Variants in AKAP7 observed in about 807,000 individuals in gnomAD.
AKAP7 encodes the protein A kinase (PRKA) anchor protein 7.
Under a neutral mutation model 39.5 loss-of-function variants are expected in AKAP7, and 39 were observed. That is an observed-to-expected ratio of 0.99 (90% confidence interval 0.76 to 1.29). The LOEUF is 1.29. AKAP7 is among the 50% of genes most tolerant of loss of function. The pLI, the probability that AKAP7 is intolerant of heterozygous loss-of-function variation, is 0.00. For missense variants in AKAP7, 414 were observed against 407.7 expected, an observed-to-expected ratio of 1.02 and a Z score of -0.13; for synonymous variants, 140 against 139.1, an observed-to-expected ratio of 1.01 and a Z score of -0.05.
intron 7 of AKAP7, among the ~76,000 whole-genome samples, chr6:131,257,469 T>G (rs1334428310): frequency 6.6e-6 from 1 of 151,952 alleles, no homozygotes. Context: ...AGACCTTGAA[T>G]TTTTGAGTAG....
intron 7 of AKAP7, among the ~76,000 whole-genome samples, chr6:131,267,503 T>C (rs1208190484): frequency 6.6e-6 from 1 of 152,218 alleles, no homozygotes; most frequent in Non-Finnish European, 1.5e-5. Flanking sequence ...TAGTAGGTGC[T>C]TGAGAAATAG....
chr6:131,133,605 T>C (rs1410473156), upstream of AKAP7, among the ~76,000 whole-genome samples: 1 of 152,226 alleles, frequency 6.6e-6, no homozygotes, highest in Non-Finnish European at 1.5e-5. Context: ...TCTGCTTAGG[T>C]AAGAGAATGA....
intron 5 of AKAP7, among the ~76,000 whole-genome samples, chr6:131,197,431 C>T (rs1312196530): frequency 2.6e-5 from 4 of 152,122 alleles, no homozygotes; most frequent in Non-Finnish European, 5.9e-5. Context: ...TATTCTGCAA[C>T]ACCATTATTT....
intron 2 of AKAP7, among the ~76,000 whole-genome samples, chr6:131,152,292 G>T (rs893415687): frequency 2.0e-5 from 3 of 152,150 alleles, no homozygotes; most frequent in Non-Finnish European, 4.4e-5. Flanking sequence ...TTGTTCTATG[G>T]TCATTGATTT....
At chr6:131,247,086 C>G (rs1217361277) in intron 7 of AKAP7, among the ~76,000 whole-genome samples, 2 of 151,844 alleles carry the variant, frequency 1.3e-5, no homozygotes, top group Non-Finnish European at 1.5e-5. Context: ...TGAGTAAACT[C>G]AAGTGCCTGG....
In AKAP7 at chr6:131,282,496, A is replaced by T; in HGVS notation, c.*770A>T. Reference sequence around the variant, plus strand: ...AAGTGAAACAGATAAAGGAACTTTTATTAAAGCCTGAGACTCAGGCCAGAA... The same window carrying T: ...AAGTGAAACAGATAAAGGAACTTTTTTTAAAGCCTGAGACTCAGGCCAGAA... On this transcript the variant is annotated 3_prime_UTR_variant, in exon 8 of 8. Coordinates refer to ENST00000431975, the MANE Select transcript of AKAP7 (RefSeq NM_016377.4). The T allele has an allele frequency of 1.3e-6, 2 of 1,535,908 alleles. No individual in the cohort carries two copies. Among genetic ancestry groups the T allele is most frequent in the Non-Finnish European group, 8.7e-7 (1 of 1,146,776 alleles).
At chr6:131,253,185 A>G (rs1333983342) in intron 7 of AKAP7, 4 of 1,305,786 alleles carry the variant, frequency 3.1e-6, no homozygotes, top group Non-Finnish European at 4.3e-6. Context: ...GTAGATAGAA[A>G]TAATTCTAAT....
At chr6:131,261,848 C>T (rs1279619310) in intron 7 of AKAP7, among the ~76,000 whole-genome samples, 1 of 152,026 alleles carries the variant, frequency 6.6e-6, no homozygotes, top group Non-Finnish European at 1.5e-5. Flanking sequence ...GAAACTACAC[C>T]AGTTGCTTTA....
intron 7 of AKAP7, among the ~76,000 whole-genome samples, chr6:131,248,794 T>A (rs1295430879): frequency 1.3e-5 from 2 of 152,250 alleles, no homozygotes; most frequent in African/African-American, 4.8e-5. Flanking sequence ...TTATTGCTTT[T>A]AGGACTATTT....
intron 7 of AKAP7, among the ~76,000 whole-genome samples, chr6:131,244,777 T>A (rs74400379): frequency 0.11 from 16,591 of 152,234 alleles, 1,206 homozygotes; most frequent in Non-Finnish European, 0.15. Flanking sequence ...TTCTTCCCCT[T>A]TCCTAAATGC....
chr6:131,258,321 G>A (rs542816961), intron 7 of AKAP7, among the ~76,000 whole-genome samples: 10 of 152,270 alleles, frequency 6.6e-5, no homozygotes, highest in South Asian at 6.2e-4. Flanking sequence ...AGACCTCAAA[G>A]TTTATTATGC....
At position 131,241,621 on chromosome 6, in the gene AKAP7, G is replaced by GTATACGTATATA. The variant is rs1221493841; in HGVS notation, c.850+21814_850+21815insATACGTATATAT. ...TGTGTGTGTGTGTGTGTGTGTGTGT[G>GTATACGTATATA]TGTGTGTATATATATATGACAGTTA... On this transcript the variant is annotated intron_variant, in intron 7 of 7. Transcript: ENST00000431975. Among the ~76,000 whole-genome samples the GTATACGTATATA allele has an allele frequency of 5.8e-3, 414 of 71,560 alleles. 12 individuals are homozygous for GTATACGTATATA. The highest frequency in any genetic ancestry group is 0.021 in the African/African-American group (395 of 19,026). The allele number at this position is 71,560 out of a possible 152,430, so 46.9% of individuals were successfully genotyped here.
chr6:131,282,230 T>TGTA lies in AKAP7; in HGVS notation c.*505_*506insTAG. The TGTA allele has an allele frequency of 7.5e-7, 1 of 1,337,348 alleles. No homozygotes were observed. The highest frequency in any genetic ancestry group is 2.8e-5 in the East Asian group (1 of 35,924). The allele number at this position is 1,337,348 out of a possible 1,614,324, so 82.8% of individuals were successfully genotyped here. A position where few individuals can be genotyped will look rare whatever the true frequency, so the allele number is the denominator to read the frequency against. On this transcript the variant is annotated 3_prime_UTR_variant, in exon 8 of 8. Transcript: ENST00000431975. ...CTAAGTGTGCTGTTGCTATGCAGTG[T>TGTA]GATCTTTATTTATAGTAAATTATGT...
intron 7 of AKAP7, among the ~76,000 whole-genome samples, chr6:131,246,400 G>A (rs1461107831): frequency 6.6e-6 from 1 of 152,182 alleles, no homozygotes; most frequent in Non-Finnish European, 1.5e-5. Context: ...AAAGGTTATG[G>A]TTTTAAGTTT....
intron 7 of AKAP7, among the ~76,000 whole-genome samples, chr6:131,241,174 C>T (rs189877022): frequency 4.5e-4 from 68 of 152,040 alleles, no homozygotes; most frequent in Non-Finnish European, 7.8e-4. Context: ...AGTATAAGCA[C>T]GATGGTTGAG....
At chr6:131,265,355 A>G in intron 7 of AKAP7, among the ~76,000 whole-genome samples, 1 of 152,166 alleles carries the variant, frequency 6.6e-6, no homozygotes, top group East Asian at 1.9e-4. Context: ...GCCTGATCTC[A>G]AGCTCCTGAC....
chr6:131,186,049 TC>T lies in AKAP7; in HGVS notation c.590-13410del, dbSNP rs200826798. ...TCTTTTGCATGTGGATATCCAGTTTTCCTAGCACCATTTGTTGAAAGACTGC... is the reference window on the plus strand; with the variant it reads ...TCTTTTGCATGTGGATATCCAGTTTTCTAGCACCATTTGTTGAAAGACTGC... On this transcript the variant is annotated intron_variant, in intron 5 of 7. Transcript: ENST00000431975. 7.8e-3 allele frequency among the ~76,000 whole-genome samples: 1,182 copies of T among 152,336 alleles called. 9 individuals carry two copies. Among genetic ancestry groups the T allele is most frequent in the Non-Finnish European group, 9.8e-3 (667 of 68,026 alleles).
chr6:131,250,983 A>C (rs750031123), intron 7 of AKAP7, among the ~76,000 whole-genome samples: 1 of 152,314 alleles, frequency 6.6e-6, no homozygotes, highest in African/African-American at 2.4e-5. Context: ...TATTTTTCTT[A>C]TCTGAAACTG....
At chr6:131,245,806 G>T (rs557316138) in intron 7 of AKAP7, among the ~76,000 whole-genome samples, 1 of 152,158 alleles carries the variant, frequency 6.6e-6, no homozygotes, top group East Asian at 1.9e-4. Flanking sequence ...AAATTTAGAA[G>T]GATAAAGTGG....
Sources: gnomAD v4.1 joint callset for allele counts (sites outside exome capture counted in the v4.1 genomes callset) on GRCh38, gnomAD v4.1.1 for gene constraint, MANE v1.5 for transcripts, NCBI Gene and HGNC (gene_info 2026-07-23, HGNC 2026-07-21) for gene names.